The following HS6ST3 variants were observed in gnomAD, a reference collection of about 807,000 sequenced individuals.
HS6ST3 encodes heparan sulfate 6-O-sulfotransferase 3, also known as heparan-sulfate 6-O-sulfotransferase 3.
In HS6ST3, 12 loss-of-function variants were observed where a neutral mutation model predicts 36.7. That is an observed-to-expected ratio of 0.33 (90% CI 0.21 to 0.53). HS6ST3 has a LOEUF of 0.53. Among genes scored for constraint, HS6ST3 ranks in the 20% least tolerant of loss-of-function variants. HS6ST3 has a pLI of 0.95. For missense variants in HS6ST3, 584 were observed against 640.9 expected (o/e 0.91, Z 0.96); for synonymous variants, 240 against 257.5 (o/e 0.93, Z 0.65).
chr13:96,190,580 G>A (rs1420084127), intron 1 of HS6ST3, among the ~76,000 whole-genome samples: 1 of 152,132 alleles, frequency 6.6e-6, no homozygotes, highest in Non-Finnish European at 1.5e-5. Flanking sequence ...GCTAGGTGCT[G>A]CTCAAGGTGT....
chr13:96,444,438 A>AT (rs1161636119), intron 1 of HS6ST3, among the ~76,000 whole-genome samples: 1 of 152,236 alleles, frequency 6.6e-6, no homozygotes, highest in African/African-American at 2.4e-5. Flanking sequence ...TGCACATTAC[A>AT]TGTTAATTAA....
intron 1 of HS6ST3, among the ~76,000 whole-genome samples, chr13:96,798,998 T>C (rs182268419): frequency 7.2e-4 from 109 of 152,226 alleles, no homozygotes; most frequent in Non-Finnish European, 1.3e-3. Flanking sequence ...AGAATACAAG[T>C]CAAATTAGAT....
intron 1 of HS6ST3, among the ~76,000 whole-genome samples, chr13:96,738,635 C>A (rs568143515): frequency 3.3e-4 from 50 of 151,690 alleles, no homozygotes; most frequent in Non-Finnish European, 6.5e-4. Flanking sequence ...GTCTTGTGGT[C>A]ATTGAGAATG....
intron 1 of HS6ST3, among the ~76,000 whole-genome samples, chr13:96,213,399 A>G (rs561299450): frequency 2.6e-5 from 4 of 152,306 alleles, no homozygotes; most frequent in Non-Finnish European, 5.9e-5. Flanking sequence ...AGTATTAAAG[A>G]TTCCACTTTG....
chr13:96,791,502 A>C (rs1373074939), intron 1 of HS6ST3, among the ~76,000 whole-genome samples: 2 of 151,998 alleles, frequency 1.3e-5, no homozygotes, highest in African/African-American at 4.8e-5. Context: ...GGCACCCACA[A>C]AAAACCATCA....
At chr13:96,322,726 C>T (rs1049256448) in intron 1 of HS6ST3, among the ~76,000 whole-genome samples, 17 of 152,246 alleles carry the variant, frequency 1.1e-4, no homozygotes, top group African/African-American at 2.6e-4. Flanking sequence ...CTACTGTCTC[C>T]GTTCTACATT....
At chr13:96,584,167 C>T (rs1464126296) in intron 1 of HS6ST3, among the ~76,000 whole-genome samples, 5 of 152,058 alleles carry the variant, frequency 3.3e-5, no homozygotes, top group East Asian at 1.9e-4. Flanking sequence ...GACAGAGTTT[C>T]GCTCTTATTG....
intron 1 of HS6ST3, among the ~76,000 whole-genome samples, chr13:96,179,663 C>A (rs1287818243): frequency 6.6e-6 from 1 of 152,142 alleles, no homozygotes. Context: ...TGCATATTAT[C>A]ACCTGTTACT....
chr13:96,278,254 T>G (rs531923649), intron 1 of HS6ST3, among the ~76,000 whole-genome samples: 25 of 152,170 alleles, frequency 1.6e-4, no homozygotes, highest in Non-Finnish European at 3.2e-4. Flanking sequence ...CTGTCTTGCA[T>G]TTTGTTTGTG....
At chr13:96,534,467 T>C (rs3893400) in intron 1 of HS6ST3, among the ~76,000 whole-genome samples, 142 of 152,322 alleles carry the variant, frequency 9.3e-4, no homozygotes, top group African/African-American at 3.2e-3. Flanking sequence ...CCCGTGTGGT[T>C]GTTAGGGGGT....
chr13:96,524,841 G>T (rs1448558046), intron 1 of HS6ST3, among the ~76,000 whole-genome samples: 1 of 152,182 alleles, frequency 6.6e-6, no homozygotes, highest in Non-Finnish European at 1.5e-5. Context: ...CCCTGCTTTG[G>T]CTTGCCCTCT....
chr13:96,388,098 A>G (rs746116268), intron 1 of HS6ST3, among the ~76,000 whole-genome samples: 3 of 152,224 alleles, frequency 2.0e-5, no homozygotes, highest in African/African-American at 7.2e-5. Flanking sequence ...CTGGAAAATA[A>G]ATGTCAAGGT....
rs1053740030 is a variant in HS6ST3, at chr13:96,712,736, T to A, written c.708-119754T>A. Among the ~76,000 whole-genome samples the A allele has an allele frequency of 5.2e-4, 79 of 152,278 alleles. 1 individual carries two copies. Among genetic ancestry groups the A allele is most frequent in the African/African-American group, 1.9e-3 (78 of 41,572 alleles). On this transcript the variant is annotated intron_variant, in intron 1 of 1. Coordinates refer to ENST00000376705, the MANE Select transcript of HS6ST3 (RefSeq NM_153456.4). ...GACACTCTTCAGCCCAGAAAGGCTT[T>A]CCAAGAATCTGATGCAAATTCTGGT...
At chr13:96,758,931 A>G (rs979939387) in intron 1 of HS6ST3, among the ~76,000 whole-genome samples, 3 of 151,662 alleles carry the variant, frequency 2.0e-5, no homozygotes, top group African/African-American at 7.3e-5. Flanking sequence ...ACAATTTTCT[A>G]TTATCCTGAA....
rs527292070 is a variant in HS6ST3 at position 96,629,402 on chromosome 13, T to C, written c.708-203088T>C. On this transcript the variant is annotated intron_variant, in intron 1 of 1. Transcript: ENST00000376705. ...TAAATTTCTTTCCTCTTGAAGCATATCCTTTAGAATTTCATGTGAGGAGAG... is the reference window on the plus strand; with the variant it reads ...TAAATTTCTTTCCTCTTGAAGCATACCCTTTAGAATTTCATGTGAGGAGAG... Among the ~76,000 whole-genome samples the C allele has an allele frequency of 8.5e-5, 13 of 152,304 alleles. No homozygotes were observed. The South Asian group carries it at 2.5e-3, about 29-fold the overall frequency.
intron 1 of HS6ST3, among the ~76,000 whole-genome samples, chr13:96,364,903 T>C (rs534913084): frequency 4.3e-4 from 66 of 152,332 alleles, no homozygotes; most frequent in Admixed American, 1.0e-3. Flanking sequence ...ATCTGAAAGA[T>C]GAAGGAACAG....
At chr13:96,253,558 G>T (rs1366429270) in intron 1 of HS6ST3, among the ~76,000 whole-genome samples, 1 of 152,160 alleles carries the variant, frequency 6.6e-6, no homozygotes. Context: ...TCTCATCCAT[G>T]AGTGGTCACC....
At chr13:96,578,784 TC>T (rs1325340827) in intron 1 of HS6ST3, among the ~76,000 whole-genome samples, 1 of 152,098 alleles carries the variant, frequency 6.6e-6, no homozygotes, top group African/African-American at 2.4e-5. Flanking sequence ...GGTCTTGAAT[TC>T]CTGACCTCAA....
At chr13:96,594,275 T>C (rs1594814398) in intron 1 of HS6ST3, among the ~76,000 whole-genome samples, 1 of 151,722 alleles carries the variant, frequency 6.6e-6, no homozygotes, top group Non-Finnish European at 1.5e-5. Context: ...CTGGCCAGGG[T>C]CTTTTTTTTT....
Sources: allele counts gnomAD v4.1 joint callset (sites outside exome capture counted in the v4.1 genomes callset), GRCh38; gene constraint gnomAD v4.1.1; transcripts MANE v1.5; gene names NCBI Gene and HGNC (gene_info 2026-07-23, HGNC 2026-07-21).